The following LMOD1 variants were observed in gnomAD, a reference collection of about 807,000 sequenced individuals.
LMOD1 encodes the protein leiomodin-1.
Under a neutral mutation model 36.5 loss-of-function variants are expected in LMOD1, and 8 were observed. That is an observed-to-expected ratio of 0.22 (90% CI 0.13 to 0.40). The LOEUF (loss-of-function observed/expected upper bound fraction) is 0.40. LMOD1 is among the 10% of genes least tolerant of loss of function. The probability of loss-of-function intolerance (pLI) is 1.00; values close to 1 mark genes in which losing one functional copy is unlikely to be tolerated. For synonymous variants in LMOD1, 284 were observed against 288.7 expected (o/e 0.98, Z 0.17); for missense variants, 630 against 751.1 (o/e 0.84, Z 1.88).
rs1681256174 is a variant in LMOD1 at position 201,899,511 on chromosome 1, G to A, written c.1502C>T (p.Ala501Val). Residue 501 changes from alanine to valine, a missense_variant, in exon 2 of 3, where the codon GCC becomes GTC. Physicochemically the swap from Ala to Val is moderately conservative, Grantham distance 64 (BLOSUM62 0). This residue lies in a region of LMOD1 where 144 missense variants were observed against 169.8 expected (regional missense o/e 0.85). Transcript: ENST00000367288. This position sits in a 1 kb window ranked among gnomAD's most constrained non-coding sequence, Gnocchi z 6.3. ...TGGGGAGCCCTTAGCCACGGCCCCG[G>A]CCTTGGGTACCTCCAGCAGATCCTT... ...EKKDLLEVPK[A>V]GAVAKGSPKP... 4 of 1,613,876 alleles carry A rather than the reference G, an allele frequency of 2.5e-6. No homozygotes were observed. The highest frequency in any genetic ancestry group is 3.4e-6 in the Non-Finnish European group (4 of 1,179,898).
intron 1 of LMOD1, among the ~76,000 whole-genome samples, chr1:201,911,257 T>C (rs906974978): frequency 1.1e-4 from 17 of 152,184 alleles, no homozygotes; most frequent in African/African-American, 4.1e-4. Flanking sequence ...CAGCATTCCC[T>C]TGGATTTCAT....
In LMOD1 at chr1:201,896,510, G is replaced by C; in HGVS notation, c.*1862C>G. On this transcript the variant is annotated 3_prime_UTR_variant, in exon 3 of 3. Transcript: ENST00000367288. ...CATGGATATATTAGTTAACCTCTCT[G>C]GGCCAAATTCTATCTGCAAAATAGA... 2.2e-6 allele frequency: 1 copy of C among 456,672 alleles called. No individual in the cohort carries two copies. The highest frequency in any genetic ancestry group is 4.4e-6 in the Non-Finnish European group (1 of 226,952). 28.3% of individuals were successfully genotyped at this position (456,672 alleles called of 1,614,324 possible).
rs565916276 is a variant in LMOD1 at position 201,920,146 on chromosome 1, A to G, written c.262-19395T>C. Among the ~76,000 whole-genome samples, 3 of 134,004 alleles carry G rather than the reference A, an allele frequency of 2.2e-5. No homozygotes were observed. The East Asian group carries it at 6.3e-4, about 28-fold the overall frequency. 87.9% of individuals were successfully genotyped at this position (134,004 alleles called of 152,430 possible). A position where few individuals can be genotyped will look rare whatever the true frequency, so the allele number is the denominator to read the frequency against. On this transcript the variant is annotated intron_variant, in intron 1 of 2. Transcript: ENST00000367288. The stretch of plus-strand genomic sequence containing the variant: ...ATGATCTTGGCTCACTGCAACCTCA[A>G]CCTCCGGGGTTCAAGTGATTCTCCT...
At chr1:201,941,958 C>A (rs115472428) in intron 1 of LMOD1, among the ~76,000 whole-genome samples, 2 of 152,106 alleles carry the variant, frequency 1.3e-5, no homozygotes, top group East Asian at 3.9e-4. Context: ...ACAAGTTGAC[C>A]GGTTGGGATC....
In LMOD1 at chr1:201,899,974, T is replaced by G. The variant is rs1228973026; in HGVS notation, c.1039A>C (p.Ile347Leu). ...VNNSDCITNEILVRFTEALEF... is the reference protein window; with the variant it reads ...VNNSDCITNELLVRFTEALEF... ...AGAGCCTCAGTAAACCGGACCAAGATCTCATTTGTGATGCAGTCTGAGTTG... is the reference window on the plus strand; with the variant it reads ...AGAGCCTCAGTAAACCGGACCAAGAGCTCATTTGTGATGCAGTCTGAGTTG... Residue 347 changes from isoleucine to leucine, a missense_variant, in exon 2 of 3, where the codon ATC (isoleucine) becomes CTC (leucine). Ile to Leu is a conservative substitution (Grantham distance 5, BLOSUM62 2). Transcript: ENST00000367288. The surrounding 1 kb of genome is among the most constrained non-coding windows in gnomAD (Gnocchi z 6.3). The G allele has an allele frequency of 1.2e-6, 2 of 1,613,828 alleles. No homozygotes were observed. The highest frequency in any genetic ancestry group is 1.7e-6 in the Non-Finnish European group (2 of 1,179,858).
intron 1 of LMOD1, among the ~76,000 whole-genome samples, chr1:201,928,380 A>G (rs1476637636): frequency 2.8e-4 from 42 of 152,156 alleles, no homozygotes; most frequent in Admixed American, 2.8e-3. Context: ...CTCCAGCCTC[A>G]CTACTTGGGC....
intron 1 of LMOD1, among the ~76,000 whole-genome samples, chr1:201,901,288 T>C (rs1316608531): frequency 6.6e-6 from 1 of 151,656 alleles, no homozygotes; most frequent in African/African-American, 2.4e-5. Flanking sequence ...GTGGATCACC[T>C]GAGGTCGGGA....
Position 201,899,382 on chromosome 1 carries a change from G to T in LMOD1, c.1631C>A (p.Pro544His), listed in dbSNP as rs202184893. 723 of 1,613,012 alleles carry T rather than the reference G, an allele frequency of 4.5e-4. 1 individual carries two copies. The highest frequency in any genetic ancestry group is 5.7e-4 in the Non-Finnish European group (670 of 1,179,450). Reference sequence around the variant, plus strand: ...ATTCTTCAGGTTCTCCATGATAAGGGGTGGAGCCAAGGGAGGGGGAGGGGG... The same window carrying T: ...ATTCTTCAGGTTCTCCATGATAAGGTGTGGAGCCAAGGGAGGGGGAGGGGG... Reference protein sequence around the residue: ...PPPPPPPLAPPLIMENLKNSL... With the variant: ...PPPPPPPLAPHLIMENLKNSL... Residue 544 changes from proline (P) to histidine (H), a missense_variant, in exon 2 of 3, where the codon CCC (proline) becomes CAC (histidine). By Grantham distance (77) the Pro-to-His change is moderately conservative. This residue lies in a region of LMOD1 where 144 missense variants were observed against 169.8 expected (regional missense o/e 0.85). Transcript: ENST00000367288. This position sits in a 1 kb window ranked among gnomAD's most constrained non-coding sequence, Gnocchi z 6.3.
At chr1:201,924,928 A>C (rs575739027) in intron 1 of LMOD1, among the ~76,000 whole-genome samples, 1 of 152,194 alleles carries the variant, frequency 6.6e-6, no homozygotes, top group African/African-American at 2.4e-5. Context: ...AGTTCAAGAT[A>C]TTCCGGCTGA....
At chr1:201,940,855 C>A (rs1343140609) in intron 1 of LMOD1, among the ~76,000 whole-genome samples, 1 of 150,720 alleles carries the variant, frequency 6.6e-6, no homozygotes, top group Non-Finnish European at 1.5e-5. Context: ...TTCAAGCAAT[C>A]CTCCTGCCTC....
intron 1 of LMOD1, among the ~76,000 whole-genome samples, chr1:201,927,737 G>T (rs1681852177): frequency 6.6e-6 from 1 of 152,194 alleles, no homozygotes; most frequent in African/African-American, 2.4e-5. Context: ...TAAGCAAAAT[G>T]GCGCAATGTC....
intron 1 of LMOD1, among the ~76,000 whole-genome samples, chr1:201,944,174 C>T (rs1682165185): frequency 6.6e-6 from 1 of 152,236 alleles, no homozygotes; most frequent in South Asian, 2.1e-4. Flanking sequence ...CAAACACACA[C>T]ACCACTTCTA....
At chr1:201,914,876 C>A (rs1015646158) in intron 1 of LMOD1, among the ~76,000 whole-genome samples, 1 of 151,988 alleles carries the variant, frequency 6.6e-6, no homozygotes, top group Non-Finnish European at 1.5e-5. Flanking sequence ...CCATCTCTCC[C>A]GGTTAATCAG....
At chr1:201,923,977 A>C (rs983960148) in intron 1 of LMOD1, among the ~76,000 whole-genome samples, 1 of 151,378 alleles carries the variant, frequency 6.6e-6, no homozygotes, top group African/African-American at 2.4e-5. Context: ...AAAGGAAAGA[A>C]AAGAAAGAAA....
chr1:201,926,369 T>C (rs1681827720), intron 1 of LMOD1, among the ~76,000 whole-genome samples: 1 of 152,154 alleles, frequency 6.6e-6, no homozygotes, highest in African/African-American at 2.4e-5. Context: ...CTGTTCTGTT[T>C]ATCATCTTGT....
intron 1 of LMOD1, among the ~76,000 whole-genome samples, chr1:201,914,758 C>T (rs900398902): frequency 6.6e-5 from 10 of 151,670 alleles, no homozygotes; most frequent in African/African-American, 1.9e-4. Flanking sequence ...CCCCTCCCCA[C>T]GCACTCTGGT....
At position 201,896,724 on chromosome 1, in the gene LMOD1, C is replaced by A; in HGVS notation, c.*1648G>T. On this transcript the variant is annotated 3_prime_UTR_variant, in exon 3 of 3. Transcript: ENST00000367288. ...TCCAGGAGCCAGTGTGTGTCTGTCT[C>A]CTCTCCTCTGGGCCCAGTGATTGCT... is the stretch of plus-strand genomic sequence containing the variant. The A allele has an allele frequency of 2.2e-6, 1 of 456,386 alleles. No individual in the cohort carries two copies. Among genetic ancestry groups the A allele is most frequent in the Non-Finnish European group, 4.4e-6 (1 of 226,954 alleles). 28.3% of individuals were successfully genotyped at this position (456,386 alleles called of 1,614,324 possible). A position where few individuals can be genotyped will look rare whatever the true frequency, so the allele number is the denominator to read the frequency against.
Position 201,901,553 on chromosome 1 carries a change from C to T in LMOD1, c.262-802G>A, listed in dbSNP as rs6660404. Among the ~76,000 whole-genome samples, 152 of 38,274 alleles carry T rather than the reference C, an allele frequency of 4.0e-3. 5 individuals are homozygous for T. The highest frequency in any genetic ancestry group is 6.8e-3 in the African/African-American group (46 of 6,792). The allele number at this position is 38,274 out of a possible 152,430, so 25.1% of individuals were successfully genotyped here. A position where few individuals can be genotyped will look rare whatever the true frequency, so the allele number is the denominator to read the frequency against. ...ATGTATATATATATATATATATATACATATATATATGTATATATATATATA... is the reference window on the plus strand; with the variant it reads ...ATGTATATATATATATATATATATATATATATATATGTATATATATATATA... On this transcript the variant is annotated intron_variant, in intron 1 of 2. Transcript: ENST00000367288.
Position 201,946,195 on chromosome 1 carries a change from A to C in LMOD1, c.146T>G (p.Leu49Arg). ...TTTCTCCGTCTGGTTTCTCTGCCGC[A>C]GCCCCACGGGAACACTCCCGTCTGG... ...VDPDGSVPVG[L>R]RQRNQTEKQS... The change falls in exon 1 of 3, where the codon CTG (leucine) becomes CGG (arginine). Residue 49 changes from leucine to arginine, a missense_variant. Around this residue, in one of 3 missense-constraint regions of LMOD1, gnomAD observed 405 missense variants for 400.6 expected, o/e 1.01. Transcript: ENST00000367288. The C allele has an allele frequency of 1.2e-6, 2 of 1,613,954 alleles. No homozygotes were observed. The highest frequency in any genetic ancestry group is 1.7e-6 in the Non-Finnish European group (2 of 1,179,884).
Sources: gnomAD v4.1 joint callset for allele counts (sites outside exome capture counted in the v4.1 genomes callset) on GRCh38, gnomAD v4.1.1 for gene constraint, gnomAD v4.1.1 regional missense constraint, Gnocchi (gnomAD v3.1) non-coding constraint, MANE v1.5 for transcripts, NCBI Gene and HGNC (gene_info 2026-07-23, HGNC 2026-07-21) for gene names.